ZFPM2: variants seen among roughly 807,000 people sequenced by gnomAD.
The protein encoded by ZFPM2 is zinc finger protein ZFPM2.
ZFPM2 carries 20 observed loss-of-function variants against 98.6 expected under a neutral mutation model. The ratio of observed to expected loss-of-function variants is 0.20; its 90% CI spans 0.14 to 0.29. ZFPM2 has a LOEUF of 0.29. Among genes scored for constraint, ZFPM2 ranks in the 10% least tolerant of loss-of-function variants. The pLI is 1.00. For synonymous variants in ZFPM2, 518 were observed against 502.7 expected (o/e 1.03, Z -0.41); for missense variants, 1,310 against 1,388.6 (o/e 0.94, Z 0.90).
intron 3 of ZFPM2, among the ~76,000 whole-genome samples, chr8:105,541,663 C>G (rs16873354): frequency 0.034 from 5,117 of 152,258 alleles, 130 homozygotes; most frequent in African/African-American, 0.061. Context: ...ATTTTAGTAT[C>G]TTTCACCAGG....
At chr8:105,411,451 G>A (rs1009082763) in intron 1 of ZFPM2, among the ~76,000 whole-genome samples, 1 of 151,708 alleles carries the variant, frequency 6.6e-6, no homozygotes, top group African/African-American at 2.4e-5. Flanking sequence ...TGCCTACCAT[G>A]TTTAGCATCC....
At chr8:105,320,938 G>T (rs1309500401) in intron 1 of ZFPM2, among the ~76,000 whole-genome samples, 3 of 152,150 alleles carry the variant, frequency 2.0e-5, no homozygotes, top group Non-Finnish European at 4.4e-5. Context: ...AGTGAGCATT[G>T]CCTGCTGATA....
At chr8:105,592,602 T>C (rs1235541571) in intron 4 of ZFPM2, among the ~76,000 whole-genome samples, 2 of 152,158 alleles carry the variant, frequency 1.3e-5, no homozygotes. Context: ...AAAACCCATA[T>C]GCACACACAT....
At chr8:105,654,116 A>G (rs1817237793) in intron 5 of ZFPM2, among the ~76,000 whole-genome samples, 2 of 152,002 alleles carry the variant, frequency 1.3e-5, no homozygotes, top group African/African-American at 2.4e-5. Context: ...AAAATGCTAA[A>G]TAAGTACTTA....
chr8:105,664,360 T>TGTGTGA (rs549592245), intron 5 of ZFPM2, among the ~76,000 whole-genome samples: 128 of 144,550 alleles, frequency 8.9e-4, no homozygotes, highest in Middle Eastern at 3.6e-3. Flanking sequence ...TGTGTGTGTG[T>TGTGTGA]GACAGAGTTT....
At chr8:105,494,687 A>C (rs1419324514) in intron 3 of ZFPM2, among the ~76,000 whole-genome samples, 1 of 152,150 alleles carries the variant, frequency 6.6e-6, no homozygotes, top group African/African-American at 2.4e-5. Flanking sequence ...CTTAGGTACC[A>C]TCCCAGACTT....
At chr8:105,579,596 T>C (rs1341673828) in intron 4 of ZFPM2, among the ~76,000 whole-genome samples, 25 of 152,122 alleles carry the variant, frequency 1.6e-4, no homozygotes, top group Admixed American at 1.6e-3. Flanking sequence ...CAGGTACCAC[T>C]GTCCTGATTA....
At chr8:105,614,588 G>C (rs1816374839) in intron 4 of ZFPM2, among the ~76,000 whole-genome samples, 1 of 152,064 alleles carries the variant, frequency 6.6e-6, no homozygotes, top group Non-Finnish European at 1.5e-5. Flanking sequence ...GAAATAGTCT[G>C]AAGCAGCTAA....
chr8:105,442,149 C>T (rs1416493200), intron 2 of ZFPM2, among the ~76,000 whole-genome samples: 5 of 148,130 alleles, frequency 3.4e-5, no homozygotes, highest in South Asian at 4.3e-4. Context: ...CTGGCTAACA[C>T]GGTGAAACCC....
chr8:105,490,105 G>A (rs1411726853), intron 3 of ZFPM2, among the ~76,000 whole-genome samples: 1 of 151,938 alleles, frequency 6.6e-6, no homozygotes, highest in East Asian at 1.9e-4. Flanking sequence ...AAATTAGCTG[G>A]GCGTGGTGGC....
At chr8:105,354,047 T>A (rs1812696132) in intron 1 of ZFPM2, among the ~76,000 whole-genome samples, 1 of 152,130 alleles carries the variant, frequency 6.6e-6, no homozygotes, top group Non-Finnish European at 1.5e-5. Context: ...TAAAAAAAAG[T>A]AAACCTCAGT....
chr8:105,650,104 G>A (rs563170506), intron 5 of ZFPM2, among the ~76,000 whole-genome samples: 1 of 152,190 alleles, frequency 6.6e-6, no homozygotes, highest in East Asian at 1.9e-4. Flanking sequence ...TAAAGTCTTG[G>A]GAGGGTCTAT....
chr8:105,793,143 T>G (rs945096067), intron 6 of ZFPM2, among the ~76,000 whole-genome samples: 2 of 152,150 alleles, frequency 1.3e-5, no homozygotes, highest in Non-Finnish European at 2.9e-5. Flanking sequence ...GTTAGCTGGT[T>G]ATTTTGCTCG....
chr8:105,710,693 GTGTGTGTGTA>G (rs1353481097), intron 5 of ZFPM2, among the ~76,000 whole-genome samples: 2 of 148,536 alleles, frequency 1.3e-5, no homozygotes, highest in Non-Finnish European at 3.0e-5. Context: ...GTGTGTGTGT[GTGTGTGTGTA>G]TGTGTGTGTG....
At chr8:105,371,688 A>G (rs1347605091) in intron 1 of ZFPM2, among the ~76,000 whole-genome samples, 3 of 152,222 alleles carry the variant, frequency 2.0e-5, no homozygotes, top group African/African-American at 7.2e-5. Flanking sequence ...ATTAAAATAC[A>G]AATTATTTGC....
intron 1 of ZFPM2, among the ~76,000 whole-genome samples, chr8:105,374,839 T>C (rs1335312602): frequency 3.3e-5 from 5 of 152,034 alleles, no homozygotes; most frequent in Non-Finnish European, 7.4e-5. Flanking sequence ...ACTCCTGGAT[T>C]TGTCAATATT....
chr8:105,721,194 C>T (rs1419412763), intron 5 of ZFPM2, among the ~76,000 whole-genome samples: 1 of 151,762 alleles, frequency 6.6e-6, no homozygotes, highest in Non-Finnish European at 1.5e-5. Flanking sequence ...GTCAGCCCTA[C>T]GTATAGACAA....
chr8:105,744,312 C>T (rs2131039172), intron 5 of ZFPM2, among the ~76,000 whole-genome samples: 1 of 152,240 alleles, frequency 6.6e-6, no homozygotes, highest in Middle Eastern at 3.4e-3. Flanking sequence ...TTAAGCAGCA[C>T]TCCTTCCCAG....
chr8:105,525,753 G>T (rs1586436199), intron 3 of ZFPM2, among the ~76,000 whole-genome samples: 1 of 152,274 alleles, frequency 6.6e-6, no homozygotes, highest in East Asian at 1.9e-4. Flanking sequence ...ATATGTCCCA[G>T]TTATCTAAAG....
Sources: allele counts gnomAD v4.1 joint callset (sites outside exome capture counted in the v4.1 genomes callset), GRCh38; gene constraint gnomAD v4.1.1; transcripts MANE v1.5; gene names NCBI Gene and HGNC (gene_info 2026-07-23, HGNC 2026-07-21).